UBA6: variants seen among roughly 807,000 people sequenced by gnomAD.
UBA6 encodes ubiquitin like modifier activating enzyme 6, also known as ubiquitin-like modifier-activating enzyme 6.
In UBA6, 87 loss-of-function variants were observed where a neutral mutation model predicts 148.3. The observed-to-expected ratio is 0.59, with a 90% CI of 0.49 to 0.70. The LOEUF (loss-of-function observed/expected upper bound fraction) is 0.70. UBA6 is among the 30% of genes least tolerant of loss of function. The probability of loss-of-function intolerance (pLI) is 0.00; values close to 1 mark genes in which losing one functional copy is unlikely to be tolerated. For missense variants in UBA6, 1,186 were observed against 1,241.2 expected, an observed-to-expected ratio of 0.96 and a Z score of 0.67; for synonymous variants, 376 against 401.0, an observed-to-expected ratio of 0.94 and a Z score of 0.75.
intron 2 of UBA6, 32 bp downstream of exon 2, chr4:67,696,612 GA>G: frequency 6.5e-7 from 1 of 1,534,216 alleles, no homozygotes; most frequent in Admixed American, 1.8e-5. Flanking sequence ...AATTAATGGG[GA>G]AAATAAGTTT....
In UBA6 at chr4:67,623,143, C is replaced by A; in HGVS notation, c.2920G>T (p.Ala974Ser). 6.2e-7 allele frequency: 1 copy of A among 1,611,060 alleles called. No homozygotes were observed. Residue 974 changes from alanine to serine, a missense_variant, in exon 31 of 33, where the codon GCA (alanine) becomes TCA (serine). Physicochemically the swap from Ala to Ser is moderately conservative, Grantham distance 99 (BLOSUM62 1). Transcript: ENST00000322244. ...GAACAAAAGTATCTCACTTTGACTG[C>A]ATTTATGAAATCCAAGAGGGTGAAA... is the stretch of plus-strand genomic sequence containing the variant. ...EDFTLLDFINAVKEKYGIEPT... is the reference protein window; with the variant it reads ...EDFTLLDFINSVKEKYGIEPT...
intron 10 of UBA6, among the ~76,000 whole-genome samples, chr4:67,664,189 G>A (rs1729933482): frequency 6.6e-6 from 1 of 151,782 alleles, no homozygotes; most frequent in Non-Finnish European, 1.5e-5. Context: ...GGAACAATTA[G>A]TAAAAACATT....
intron 17 of UBA6, among the ~76,000 whole-genome samples, chr4:67,644,009 T>C (rs566709554): frequency 6.4e-4 from 97 of 152,216 alleles, no homozygotes; most frequent in African/African-American, 2.2e-3. Context: ...GTATGATCTT[T>C]TGAATTGGAA....
chr4:67,688,048 G>T (rs1049660032), intron 2 of UBA6, among the ~76,000 whole-genome samples: 4 of 152,126 alleles, frequency 2.6e-5, no homozygotes, highest in African/African-American at 9.7e-5. Context: ...AGAGGAAAGC[G>T]TTTCCTCTAG....
At chr4:67,627,526 T>G (rs374337970) in intron 27 of UBA6, among the ~76,000 whole-genome samples, 4 of 152,048 alleles carry the variant, frequency 2.6e-5, no homozygotes, top group African/African-American at 7.2e-5. Flanking sequence ...AGTTAAAGCA[T>G]TTTTCCTTGG....
intron 6 of UBA6, among the ~76,000 whole-genome samples, chr4:67,674,844 A>G (rs1485677597): frequency 6.6e-6 from 1 of 151,710 alleles, no homozygotes. Context: ...TAACTTGTCC[A>G]TAATATTTTC....
chr4:67,690,659 A>G (rs1170488546), intron 2 of UBA6, among the ~76,000 whole-genome samples: 1 of 152,152 alleles, frequency 6.6e-6, no homozygotes, highest in Non-Finnish European at 1.5e-5. Flanking sequence ...TTCTCCAAAA[A>G]CATGCACATA....
At position 67,646,036 on chromosome 4, in the gene UBA6, C is replaced by A. The variant is rs1028976328; in HGVS notation, c.1317-20G>T. The stretch of plus-strand genomic sequence containing the variant: ...TCTCCTCTGAAAAAAATAACATATA[C>A]CAAAAAGCAGAAATAAAAAACATTA... On this transcript the variant is annotated intron_variant, in intron 15 of 32. Transcript: ENST00000322244. The A allele has an allele frequency of 2.8e-6, 4 of 1,420,434 alleles. No individual in the cohort carries two copies. Among genetic ancestry groups the A allele is most frequent in the Admixed American group, 2.1e-5 (1 of 48,476 alleles). 88.0% of individuals were successfully genotyped at this position (1,420,434 alleles called of 1,614,324 possible).
intron 2 of UBA6, among the ~76,000 whole-genome samples, chr4:67,689,663 G>C (rs1730650060): frequency 6.6e-6 from 1 of 152,096 alleles, no homozygotes; most frequent in South Asian, 2.1e-4. Flanking sequence ...TTTTGCTTAA[G>C]GATGGAATGT....
Position 67,696,775 on chromosome 4 carries a change from C to A in UBA6, c.72-68G>T. The stretch of plus-strand genomic sequence containing the variant: ...TGTAATATTTGATTACTTGTGTGAT[C>A]AGATTCACCAGTTACTAAAGGTTTT... On this transcript the variant is annotated intron_variant, in intron 1 of 32. Transcript: ENST00000322244. 4 of 1,250,420 alleles carry A rather than the reference C, an allele frequency of 3.2e-6. No individual in the cohort carries two copies. The South Asian group carries it at 5.3e-5, about 17-fold the overall frequency. 77.5% of individuals were successfully genotyped at this position (1,250,420 alleles called of 1,614,324 possible).
intron 25 of UBA6, 109 bp from the exon 26 acceptor site, chr4:67,630,644 A>C: frequency 1.5e-6 from 1 of 676,672 alleles, no homozygotes; most frequent in East Asian, 3.2e-5. Flanking sequence ...ATATAACCAC[A>C]GAATTATTAT....
At position 67,627,855 on chromosome 4, in the gene UBA6, T is replaced by C. The variant is rs192854697; in HGVS notation, c.2400+1216A>G. On this transcript the variant is annotated intron_variant, in intron 27 of 32. Transcript: ENST00000322244. ...ACAAGAAAGGCATATACTGAACATG[T>C]AAAAAAGAAAAAAAAGTTTTCAAAC... is the stretch of plus-strand genomic sequence containing the variant. 1.5e-3 allele frequency among the ~76,000 whole-genome samples: 234 copies of C among 151,072 alleles called. 2 individuals carry two copies. Among genetic ancestry groups the C allele is most frequent in the African/African-American group, 5.4e-3 (222 of 41,278 alleles).
At chr4:67,674,266 C>G (rs1438649576) in intron 6 of UBA6, among the ~76,000 whole-genome samples, 1 of 152,126 alleles carries the variant, frequency 6.6e-6, no homozygotes, top group Non-Finnish European at 1.5e-5. Context: ...GGGAGACATT[C>G]CTCCATGGGC....
rs746841586 is a variant in UBA6 at position 67,634,422 on chromosome 4, C to T, written c.1932+7G>A. The T allele has an allele frequency of 6.4e-6, 10 of 1,572,154 alleles. No individual in the cohort carries two copies. The highest frequency in any genetic ancestry group is 8.6e-6 in the Non-Finnish European group (10 of 1,167,842). On this transcript the variant is annotated splice_region_variant and intron_variant, in intron 21 of 32. Coordinates refer to ENST00000322244, the MANE Select transcript of UBA6 (RefSeq NM_018227.6). ...CAAAGAAAATAAATTTAAAAAGGAA[C>T]TTTTACCTTATCTCTTGCCCACTGT...
At chr4:67,696,737 T>C in intron 1 of UBA6, 30 bp from the exon 2 acceptor site, 2 of 1,544,898 alleles carry the variant, frequency 1.3e-6, no homozygotes, top group Non-Finnish European at 1.8e-6. Flanking sequence ...TATTAAATAT[T>C]CACATTTTAT....
intron 2 of UBA6, among the ~76,000 whole-genome samples, chr4:67,694,050 T>TA (rs961019693): frequency 4.0e-5 from 6 of 150,390 alleles, no homozygotes; most frequent in South Asian, 2.1e-4. Context: ...CCGCCTCTAC[T>TA]AAAAAAAATA....
At chr4:67,699,049 A>C (rs1577848302) in intron 1 of UBA6, among the ~76,000 whole-genome samples, 1 of 152,332 alleles carries the variant, frequency 6.6e-6, no homozygotes, top group East Asian at 1.9e-4. Flanking sequence ...CAAATCTGAC[A>C]AAGTATACTT....
chr4:67,621,211 A>T (rs1344980408), intron 32 of UBA6, among the ~76,000 whole-genome samples: 2 of 152,348 alleles, frequency 1.3e-5, no homozygotes, highest in African/African-American at 2.4e-5. Flanking sequence ...AAAATAATAT[A>T]AGGCAAATTA....
At chr4:67,654,758 C>T (rs182489639) in intron 13 of UBA6, among the ~76,000 whole-genome samples, 15 of 151,400 alleles carry the variant, frequency 9.9e-5, no homozygotes, top group African/African-American at 2.7e-4. Flanking sequence ...GATAAAGAGT[C>T]AAGACCCATC....
Sources: gnomAD v4.1 joint callset for allele counts (sites outside exome capture counted in the v4.1 genomes callset) on GRCh38, gnomAD v4.1.1 for gene constraint, MANE v1.5 for transcripts, NCBI Gene and HGNC (gene_info 2026-07-23, HGNC 2026-07-21) for gene names.